The following PMPCA variants were observed in gnomAD, a reference collection of about 807,000 sequenced individuals.
The protein encoded by PMPCA is peptidase, mitochondrial processing subunit alpha.
Under a neutral mutation model 59.3 loss-of-function variants are expected in PMPCA, and 47 were observed. The observed-to-expected ratio is 0.79, with a 90% CI of 0.63 to 1.01. The LOEUF (loss-of-function observed/expected upper bound fraction) is 1.01. Among genes scored for constraint, PMPCA ranks in the 50% least tolerant of loss-of-function variants. The pLI, the probability that PMPCA is intolerant of heterozygous loss-of-function variation, is 0.00. For synonymous variants in PMPCA, 338 were observed against 290.3 expected (o/e 1.16, Z -1.67); for missense variants, 726 against 704.5 (o/e 1.03, Z -0.34).
At chr9:136,414,419 C>G (rs1041999803) in intron 4 of PMPCA, 134 bp from the exon 5 acceptor site, 3 of 669,432 alleles carry the variant, frequency 4.5e-6, no homozygotes, top group South Asian at 1.7e-5. Flanking sequence ...GCCCAAGTGT[C>G]CCCTGGCTGT....
At chr9:136,412,451 A>C in intron 2 of PMPCA, 39 bp from the exon 3 acceptor site, 1 of 962,712 alleles carries the variant, frequency 1.0e-6, no homozygotes, top group Non-Finnish European at 1.6e-6. Flanking sequence ...CTTATTTTGA[A>C]TATCTGATGT....
intron 7 of PMPCA, 95 bp downstream of exon 7, chr9:136,417,309 G>A: frequency 9.6e-7 from 1 of 1,036,434 alleles, no homozygotes; most frequent in Non-Finnish European, 1.4e-6. Context: ...AGGGTGATAG[G>A]TGTTGACTGC....
intron 11 of PMPCA, 91 bp from the exon 12 acceptor site, chr9:136,421,741 G>C (rs1220455561): frequency 1.0e-5 from 13 of 1,240,050 alleles, no homozygotes; most frequent in Non-Finnish European, 1.5e-5. Flanking sequence ...TCAGCTTTGG[G>C]CACAGAGATG....
rs1182230846 is a variant in PMPCA at position 136,412,091 on chromosome 9, T to G, written c.166T>G (p.Phe56Val). The change falls in exon 2 of 13, where the codon TTT (phenylalanine) becomes GTT (valine). Residue 56 changes from phenylalanine (F) to valine (V), a missense_variant. Transcript: ENST00000371717. The part of the protein sequence containing the change: ...SPLPGVPKPV[F>V]ATVDGQEKFE... ...CTTACCTGGAGTACCCAAGCCTGTT[T>G]TTGCTACAGTTGATGGACAGGAAAA... 1 of 1,613,674 alleles carries G rather than the reference T, an allele frequency of 6.2e-7. No homozygotes were observed. Among genetic ancestry groups the G allele is most frequent in the Admixed American group, 1.7e-5 (1 of 60,022 alleles).
intron 12 of PMPCA, 76 bp downstream of exon 12, chr9:136,422,052 A>G: frequency 1.3e-6 from 2 of 1,551,898 alleles, no homozygotes; most frequent in Non-Finnish European, 8.7e-7. Context: ...GCCCTCCCGC[A>G]GGCCGTGGTG....
Position 136,418,032 on chromosome 9 carries a change from T to C in PMPCA, c.913T>C (p.Ser305Pro), listed in dbSNP as rs779511647. The change falls in exon 8 of 13, where the codon TCC (serine) becomes CCC (proline). Residue 305 changes from serine to proline, a missense_variant. Physicochemically the swap from Ser to Pro is moderately conservative, Grantham distance 74. Transcript: ENST00000371717. Reference sequence around the variant, plus strand: ...TTGGTTACAGCTAGAAAGAGACATGTCCAATGTCAGCCTGGGCCCGACCCC... The same window carrying C: ...TTGGTTACAGCTAGAAAGAGACATGCCCAATGTCAGCCTGGGCCCGACCCC... Reference protein sequence around the residue: ...GGIAKLERDMSNVSLGPTPIP... With the variant: ...GGIAKLERDMPNVSLGPTPIP... The C allele has an allele frequency of 1.9e-6, 3 of 1,613,066 alleles. No individual in the cohort carries two copies. In the Admixed American group the frequency reaches 5.0e-5, roughly 27 times the overall value.
At position 136,417,128 on chromosome 9, in the gene PMPCA, C is replaced by T. The variant is rs377133704; in HGVS notation, c.811C>T (p.Leu271Phe). The T allele has an allele frequency of 6.2e-7, 1 of 1,613,482 alleles. No homozygotes were observed. Among genetic ancestry groups the T allele is most frequent in the South Asian group, 1.1e-5 (1 of 91,072 alleles). Reference sequence around the variant, plus strand: ...TCTGGTGGACTGTGCCCGGAAGTACCTCCTGGGGGTCCAGCCGGCCTGGGG... The same window carrying T: ...TCTGGTGGACTGTGCCCGGAAGTACTTCCTGGGGGTCCAGCCGGCCTGGGG... ...EHLVDCARKY[L>F]LGVQPAWGSA... Residue 271 changes from leucine to phenylalanine, a missense_variant, in exon 7 of 13, where the codon CTC (leucine) becomes TTC (phenylalanine). Transcript: ENST00000371717.
At chr9:136,414,354 G>A (rs761841920) in intron 4 of PMPCA, among the ~76,000 whole-genome samples, 199 bp from the exon 5 acceptor site, 16 of 152,208 alleles carry the variant, frequency 1.1e-4, no homozygotes, top group Non-Finnish European at 1.5e-4. Flanking sequence ...AAGCCCAAGC[G>A]TCCCTGAAAT....
In PMPCA at chr9:136,413,812, T is replaced by C. The variant is rs565692938; in HGVS notation, c.438-741T>C. Among the ~76,000 whole-genome samples the C allele has an allele frequency of 2.0e-5, 3 of 152,312 alleles. No homozygotes were observed. The East Asian group carries it at 5.8e-4, about 29-fold the overall frequency. On this transcript the variant is annotated intron_variant, in intron 4 of 12. Coordinates refer to ENST00000371717, the MANE Select transcript of PMPCA (RefSeq NM_015160.3). ...TCCCCATGTGGAGAGCCAAAGTCACTGAGAATGGCTCCTCTTCAGGGTGAA... is the reference window on the plus strand; with the variant it reads ...TCCCCATGTGGAGAGCCAAAGTCACCGAGAATGGCTCCTCTTCAGGGTGAA...
rs142652706 is a variant in PMPCA, at chr9:136,418,851, C to T, written c.1133C>T (p.Thr378Ile). The T allele has an allele frequency of 4.3e-6, 7 of 1,613,048 alleles. No homozygotes were observed. The East Asian group carries it at 6.7e-5, about 15-fold the overall frequency. Residue 378 changes from threonine (T) to isoleucine (I), a missense_variant, in exon 10 of 13, where the codon ACC (threonine) becomes ATC (isoleucine). Coordinates refer to ENST00000371717, the MANE Select transcript of PMPCA (RefSeq NM_015160.3). ...LNRHHWMYNA[T>I]SYHHSYEDTG... ...AGGCACCACTGGATGTATAACGCGA[C>T]CTCCTACCACCACAGCTACGAGGAC... is the stretch of plus-strand genomic sequence containing the variant.
intron 12 of PMPCA, 163 bp downstream of exon 12, chr9:136,422,139 G>T: frequency 6.5e-7 from 1 of 1,543,130 alleles, no homozygotes; most frequent in Non-Finnish European, 8.8e-7. Context: ...CAAGGGCAGG[G>T]TCGTGGGGTC....
rs993503607 is a variant in PMPCA, at chr9:136,422,252, A to T, written c.1408+276A>T. 2.2e-6 allele frequency: 3 copies of T among 1,371,340 alleles called. No homozygotes were observed. The African/African-American group carries it at 4.4e-5, about 20-fold the overall frequency. The allele number at this position is 1,371,340 out of a possible 1,614,324, so 84.9% of individuals were successfully genotyped here. On this transcript the variant is annotated intron_variant, in intron 12 of 12. Transcript: ENST00000371717. ...GGGAGGGGCTGTCACTACTGCCCAG[A>T]GTTGTTAAAGAGCACTCAAGTTAGT... is the stretch of plus-strand genomic sequence containing the variant.
At chr9:136,417,341 C>T (rs1021083036) in intron 7 of PMPCA, 127 bp downstream of exon 7, 55 of 710,626 alleles carry the variant, frequency 7.7e-5, no homozygotes, top group Middle Eastern at 2.5e-4. Flanking sequence ...TGCCTTAACA[C>T]ATGCTGTAGT....
chr9:136,419,096 C>T lies in PMPCA; in HGVS notation c.1253C>T (p.Thr418Ile), dbSNP rs1835371445. The change falls in exon 11 of 13, where the codon ACC becomes ATC. Residue 418 changes from threonine to isoleucine, a missense_variant. Thr to Ile is a moderately conservative substitution (Grantham distance 89). Coordinates refer to ENST00000371717, the MANE Select transcript of PMPCA (RefSeq NM_015160.3). Reference sequence around the variant, plus strand: ...AAGGAGTTTATTTTAATGGGCGGAACCGTGGACACGGTAAGTGCAGTGTGG... The same window carrying T: ...AAGGAGTTTATTTTAATGGGCGGAATCGTGGACACGGTAAGTGCAGTGTGG... Reference protein sequence around the residue: ...ITKEFILMGGTVDTVELERAK... With the variant: ...ITKEFILMGGIVDTVELERAK... 1 of 1,613,462 alleles carries T rather than the reference C, an allele frequency of 6.2e-7. No homozygotes were observed. The highest frequency in any genetic ancestry group is 1.7e-5 in the Admixed American group (1 of 60,012).
At chr9:136,419,504 C>T (rs1348919040) in intron 11 of PMPCA, 1 of 334,278 alleles carries the variant, frequency 3.0e-6, no homozygotes, top group African/African-American at 2.1e-5. Flanking sequence ...AAGCAGCTCG[C>T]ACAGGTGGGC....
chr9:136,412,813 A>G lies in PMPCA; in HGVS notation c.358A>G (p.Thr120Ala). 3 of 1,583,478 alleles carry G rather than the reference A, an allele frequency of 1.9e-6. No homozygotes were observed. The highest frequency in any genetic ancestry group is 4.5e-5 in the East Asian group (2 of 44,768). The change falls in exon 4 of 13, where the codon ACT becomes GCT. Residue 120 changes from threonine (T) to alanine (A), a missense_variant. Transcript: ENST00000371717. ...TTTCCTTATTTATTTTTACTAGTCT[A>G]CTGCTCGATTTGACAGCAAAGATGA... ...HFLEKLAFSS[T>A]ARFDSKDEIL... is the part of the protein sequence containing the mutation.
intron 11 of PMPCA, 141 bp from the exon 12 acceptor site, chr9:136,421,691 C>T (rs1383170283): frequency 1.7e-5 from 12 of 712,668 alleles, no homozygotes; most frequent in South Asian, 1.4e-4. Context: ...GGATTACAGG[C>T]GGGAGCCACT....
Position 136,423,587 on chromosome 9 carries a change from T to C in PMPCA, c.*323T>C. 1 of 307,776 alleles carries C rather than the reference T, an allele frequency of 3.2e-6. No homozygotes were observed. The highest frequency in any genetic ancestry group is 1.1e-3 in the Middle Eastern group (1 of 946). 19.1% of individuals were successfully genotyped at this position (307,776 alleles called of 1,614,324 possible). A position where few individuals can be genotyped will look rare whatever the true frequency, so the allele number is the denominator to read the frequency against. ...CCCCGCAGGTTCCTTGGAGGAGCCC[T>C]GAGCTGGGAGGCAGCAAAGGCTGAC... On this transcript the variant is annotated 3_prime_UTR_variant, in exon 13 of 13. Coordinates refer to ENST00000371717, the MANE Select transcript of PMPCA (RefSeq NM_015160.3).
chr9:136,422,808 A>G, intron 12 of PMPCA: 2 of 1,217,254 alleles, frequency 1.6e-6, no homozygotes, highest in East Asian at 4.0e-5. Context: ...AAGTGAGTTC[A>G]TCAGACACGG....
Sources: allele counts gnomAD v4.1 joint callset (sites outside exome capture counted in the v4.1 genomes callset), GRCh38; gene constraint gnomAD v4.1.1; transcripts MANE v1.5; gene names NCBI Gene and HGNC (gene_info 2026-07-23, HGNC 2026-07-21).